ACTR1A: variants seen among roughly 807,000 people sequenced by gnomAD.
The protein encoded by ACTR1A is alpha-centractin.
ACTR1A carries 10 observed loss-of-function variants against 50.7 expected under a neutral mutation model. The ratio of observed to expected loss-of-function variants is 0.20; its 90% CI spans 0.12 to 0.33. The LOEUF is 0.33. Ranked by LOEUF, ACTR1A falls within the 10% of genes least tolerant of loss-of-function variation. ACTR1A has a pLI of 1.00. For missense variants in ACTR1A, 253 were observed against 491.7 expected (o/e 0.51, Z 4.59); for synonymous variants, 177 against 184.2 (o/e 0.96, Z 0.32).
intron 1 of ACTR1A, 22 bp downstream of exon 1, chr10:102,502,578 A>G: frequency 6.2e-7 from 1 of 1,613,888 alleles, no homozygotes; most frequent in Non-Finnish European, 8.5e-7. Context: ...GTCCCCTTAT[A>G]GATAGGAAAG....
At chr10:102,497,008 G>A (rs925124811) in intron 1 of ACTR1A, among the ~76,000 whole-genome samples, 2 of 151,944 alleles carry the variant, frequency 1.3e-5, no homozygotes, top group East Asian at 1.9e-4. Context: ...GCAAAACCCC[G>A]TCTCTACTAA....
At position 102,489,126 on chromosome 10, in the gene ACTR1A, G is replaced by A. The variant is rs774971572; in HGVS notation, c.126C>T (p.Pro42=). 14 of 1,582,344 alleles carry A rather than the reference G, an allele frequency of 8.8e-6. No individual in the cohort carries two copies. The highest frequency in any genetic ancestry group is 1.2e-5 in the Non-Finnish European group (14 of 1,164,744). Reference sequence around the variant, plus strand: ...CTCCTGCCATGACACGAACGTGCTTGGGTCGGCCCACACTAGAAAAGACAG... The same window carrying A: ...CTCCTGCCATGACACGAACGTGCTTAGGTCGGCCCACACTAGAAAAGACAG... ...KYCFPNYVGR[P]KHVRVMAGAL... Residue 42 remains proline (P), a synonymous_variant, in exon 3 of 11, where the codon CCC becomes CCT. Coordinates refer to ENST00000369905, the MANE Select transcript of ACTR1A (RefSeq NM_005736.4).
intron 9 of ACTR1A, among the ~76,000 whole-genome samples, 186 bp from the exon 10 acceptor site, chr10:102,481,358 T>C (rs547709607): frequency 6.8e-6 from 1 of 147,192 alleles, no homozygotes; most frequent in Non-Finnish European, 1.5e-5. Flanking sequence ...TCCCCACAGG[T>C]CCCAGGGAAG....
chr10:102,501,261 TA>T (rs2062250066), intron 1 of ACTR1A, among the ~76,000 whole-genome samples: 1 of 152,212 alleles, frequency 6.6e-6, no homozygotes, highest in African/African-American at 2.4e-5. Context: ...CCTCAATTCC[TA>T]AACTGGATGG....
intron 4 of ACTR1A, among the ~76,000 whole-genome samples, chr10:102,487,631 CTTT>C (rs145832320): frequency 1.2e-4 from 14 of 116,986 alleles, no homozygotes; most frequent in Admixed American, 2.7e-4. Context: ...CTTGGCTTTT[CTTT>C]TTTTTTTTTT....
rs1445140818 is a variant in ACTR1A, at chr10:102,484,168, T to C, written c.649A>G (p.Ile217Val). The change falls in exon 6 of 11, where the codon ATA becomes GTA. Residue 217 changes from isoleucine to valine, a missense_variant. This residue lies in a region of ACTR1A where 116 missense variants were observed against 155.9 expected (regional missense o/e 0.74). Transcript: ENST00000369905. ...SSSEFEIVKA[I>V]KERACYLSIN... is the part of the protein sequence containing the mutation. ...CAGGGGGCAGCACTTACTTCTTTTA[T>C]GGCCTTGACAATCTCAAACTCAGAG... 2.5e-6 allele frequency: 4 copies of C among 1,614,162 alleles called. No individual in the cohort carries two copies. The highest frequency in any genetic ancestry group is 2.2e-5 in the East Asian group (1 of 44,872).
chr10:102,480,770 C>T lies in ACTR1A; in HGVS notation c.*93G>A. On this transcript the variant is annotated 3_prime_UTR_variant, in exon 11 of 11. Transcript: ENST00000369905. ...ACACTCATATCCACACACGCACTCA[C>T]ACACAGGCAGTTCCTCGCAAACACT... 9.5e-7 allele frequency: 1 copy of T among 1,051,210 alleles called. No homozygotes were observed. The highest frequency in any genetic ancestry group is 1.5e-6 in the Non-Finnish European group (1 of 672,860). The allele number at this position is 1,051,210 out of a possible 1,614,324, so 65.1% of individuals were successfully genotyped here. A position where few individuals can be genotyped will look rare whatever the true frequency, so the allele number is the denominator to read the frequency against.
Position 102,482,248 on chromosome 10 carries a change from G to T in ACTR1A, c.751-73C>A, listed in dbSNP as rs555926373. 1.1e-5 allele frequency: 16 copies of T among 1,452,026 alleles called. No individual in the cohort carries two copies. In the East Asian group the frequency reaches 3.4e-4, roughly 31 times the overall value. The allele number at this position is 1,452,026 out of a possible 1,614,324, so 89.9% of individuals were successfully genotyped here. Reference sequence around the variant, plus strand: ...CCCTTTGGGAGTGGGAATGGAAGACGCCCCTCTGCACGTCACTTAGTAACT... The same window carrying T: ...CCCTTTGGGAGTGGGAATGGAAGACTCCCCTCTGCACGTCACTTAGTAACT... On this transcript the variant is annotated intron_variant, in intron 7 of 10. Coordinates refer to ENST00000369905, the MANE Select transcript of ACTR1A (RefSeq NM_005736.4). The surrounding 1 kb of genome is among the most constrained non-coding windows in gnomAD (Gnocchi z 5.6).
Position 102,482,189 on chromosome 10 carries a change from G to A in ACTR1A, c.751-14C>T, listed in dbSNP as rs867959348. 1 of 1,609,718 alleles carries A rather than the reference G, an allele frequency of 6.2e-7. No homozygotes were observed. The highest frequency in any genetic ancestry group is 1.7e-4 in the Middle Eastern group (1 of 6,060). ...GGAAGGACCAATCTGCAGGTAGGAG[G>A]GCCAGCTGAAGAGGTCGGAGCTGGG... is the stretch of plus-strand genomic sequence containing the variant. On this transcript the variant is annotated splice_polypyrimidine_tract_variant and intron_variant, in intron 7 of 10. Coordinates refer to ENST00000369905, the MANE Select transcript of ACTR1A (RefSeq NM_005736.4). This position sits in a 1 kb window ranked among gnomAD's most constrained non-coding sequence, Gnocchi z 5.6.
intron 9 of ACTR1A, 105 bp downstream of exon 9, chr10:102,481,730 CAT>C: frequency 7.4e-7 from 1 of 1,344,048 alleles, no homozygotes. Flanking sequence ...CTTGTAGAGC[CAT>C]GGCTGCTTGA....
At chr10:102,493,122 C>G (rs1188315429) in intron 1 of ACTR1A, among the ~76,000 whole-genome samples, 1 of 150,554 alleles carries the variant, frequency 6.6e-6, no homozygotes, top group Non-Finnish European at 1.5e-5. Context: ...AGAGTGAAAA[C>G]AGAAGACAAT....
chr10:102,491,990 C>T (rs1335305689), intron 1 of ACTR1A, among the ~76,000 whole-genome samples: 1 of 144,086 alleles, frequency 6.9e-6, no homozygotes, highest in African/African-American at 2.6e-5. Context: ...AGGATGATCT[C>T]GATCTCCTGA....
chr10:102,502,535 C>T, intron 1 of ACTR1A, 65 bp downstream of exon 1: 1 of 1,586,058 alleles, frequency 6.3e-7, no homozygotes, highest in East Asian at 2.2e-5. Flanking sequence ...GGCTGAACCC[C>T]GGGAAGCGAT....
chr10:102,493,870 C>T (rs1465128602), intron 1 of ACTR1A, among the ~76,000 whole-genome samples: 2 of 152,196 alleles, frequency 1.3e-5, no homozygotes, highest in African/African-American at 2.4e-5. Flanking sequence ...GCTGAAATGA[C>T]AGAAGCCCCA....
Position 102,486,633 on chromosome 10 carries a change from C to G in ACTR1A, c.316-900G>C, listed in dbSNP as rs549045600. On this transcript the variant is annotated intron_variant, in intron 4 of 10. Transcript: ENST00000369905. ...GCTTGAACCTGGGAGGCAGAGGTTG[C>G]GGTGAGCCGAGATTGCGCCATTGCA... Among the ~76,000 whole-genome samples, 4 of 152,044 alleles carry G rather than the reference C, an allele frequency of 2.6e-5. No homozygotes were observed. In the South Asian group the frequency reaches 8.3e-4, roughly 32 times the overall value.
Sources: allele counts gnomAD v4.1 joint callset (sites outside exome capture counted in the v4.1 genomes callset), GRCh38; gene constraint gnomAD v4.1.1; regional missense constraint gnomAD v4.1.1; non-coding constraint Gnocchi (gnomAD v3.1); transcripts MANE v1.5; gene names NCBI Gene and HGNC (gene_info 2026-07-23, HGNC 2026-07-21).